The following RGSL1 variants were observed in gnomAD, a reference collection of about 807,000 sequenced individuals.
RGSL1 encodes the protein regulator of G protein signaling like 1.
A neutral mutation model predicts 124.7 loss-of-function variants in RGSL1; 97 were observed. The ratio of observed to expected loss-of-function variants is 0.78; its 90% CI spans 0.66 to 0.92. The LOEUF is 0.92. Among genes scored for constraint, RGSL1 ranks in the 40% least tolerant of loss-of-function variants. The probability of loss-of-function intolerance (pLI) is 0.00; values close to 1 mark genes in which losing one functional copy is unlikely to be tolerated. For synonymous variants in RGSL1, 424 were observed against 438.1 expected (o/e 0.97, Z 0.40); for missense variants, 1,233 against 1,288.4 (o/e 0.96, Z 0.66).
chr1:182,461,830 A>G (rs886579076), intron 4 of RGSL1, among the ~76,000 whole-genome samples: 4 of 152,186 alleles, frequency 2.6e-5, no homozygotes, highest in African/African-American at 9.7e-5. Context: ...AAAAAGTTTA[A>G]AGAAAACTGA....
intron 6 of RGSL1, 114 bp downstream of exon 6, chr1:182,474,656 C>T (rs1654143926): frequency 7.3e-7 from 1 of 1,376,738 alleles, no homozygotes; most frequent in African/African-American, 1.5e-5. Context: ...CCCACATAAA[C>T]CTTTACATAT....
rs771777733 is a variant in RGSL1, at chr1:182,474,489, C to T, written c.1378C>T (p.Pro460Ser). The change falls in exon 6 of 22, where the codon CCC becomes TCC. Residue 460 changes from proline (P) to serine (S), a missense_variant. Physicochemically the swap from Pro to Ser is moderately conservative, Grantham distance 74 (BLOSUM62 -1). Transcript: ENST00000294854. ...CATTCAGGGCCTGAAGGAACTATTG[C>T]CCTCTGGGGATGTGATCCCCTGGAT... Reference protein sequence around the residue: ...QTIQGLKELLPSGDVIPWIPK... With the variant: ...QTIQGLKELLSSGDVIPWIPK... The T allele has an allele frequency of 1.2e-5, 18 of 1,551,054 alleles. No individual in the cohort carries two copies. The South Asian group carries it at 2.1e-4, about 18-fold the overall frequency.
chr1:182,523,486 A>G (rs1197990707), intron 10 of RGSL1, among the ~76,000 whole-genome samples: 1 of 152,158 alleles, frequency 6.6e-6, no homozygotes, highest in African/African-American at 2.4e-5. Context: ...AATTTGTCCT[A>G]GTCACTGGTC....
rs555422354 is a variant in RGSL1, at chr1:182,541,133, C to T, written c.2669+712C>T. On this transcript the variant is annotated intron_variant, in intron 15 of 21. Transcript: ENST00000294854. ...TCTCTTCTAGATATTTTGAAATGTA[C>T]GATAGATGATTATTAACTGTAGACA... Among the ~76,000 whole-genome samples the T allele has an allele frequency of 4.6e-5, 7 of 152,158 alleles. 1 individual carries two copies. In the East Asian group the frequency reaches 1.4e-3, roughly 29 times the overall value.
chr1:182,524,864 A>G (rs1227361780), intron 10 of RGSL1, among the ~76,000 whole-genome samples: 3 of 152,220 alleles, frequency 2.0e-5, no homozygotes, highest in African/African-American at 7.2e-5. Context: ...TAAAAAAGGG[A>G]AATCTGGGAG....
Position 182,474,499 on chromosome 1 carries a change from A to T in RGSL1, c.1388A>T (p.Asp463Val), listed in dbSNP as rs777353849. ...CTGAAGGAACTATTGCCCTCTGGGGATGTGATCCCCTGGATTCCCAAAGCC... is the reference window on the plus strand; with the variant it reads ...CTGAAGGAACTATTGCCCTCTGGGGTTGTGATCCCCTGGATTCCCAAAGCC... The part of the protein sequence containing the change: ...QGLKELLPSG[D>V]VIPWIPKAQK... The change falls in exon 6 of 22, where the codon GAT becomes GTT. Residue 463 changes from aspartate to valine, a missense_variant. Coordinates refer to ENST00000294854, the MANE Select transcript of RGSL1 (RefSeq NM_001137669.2). The T allele has an allele frequency of 5.2e-6, 8 of 1,549,942 alleles. No individual in the cohort carries two copies. The highest frequency in any genetic ancestry group is 7.0e-6 in the Non-Finnish European group (8 of 1,145,580).
chr1:182,464,494 G>T (rs558158689), intron 4 of RGSL1, among the ~76,000 whole-genome samples: 7 of 151,966 alleles, frequency 4.6e-5, no homozygotes, highest in African/African-American at 7.2e-5. Flanking sequence ...GAGGCCTTAG[G>T]GGGTGGATCA....
intron 4 of RGSL1, among the ~76,000 whole-genome samples, chr1:182,467,733 A>AAAGC: frequency 6.6e-6 from 1 of 152,244 alleles, no homozygotes; most frequent in East Asian, 1.9e-4. Flanking sequence ...TAAAACACCA[A>AAAGC]AAGCAATGGC....
At chr1:182,479,825 T>C (rs1039590748) in intron 6 of RGSL1, among the ~76,000 whole-genome samples, 10 of 152,190 alleles carry the variant, frequency 6.6e-5, no homozygotes, top group African/African-American at 2.2e-4. Flanking sequence ...CAAAAAAGCA[T>C]ATTTGGCTAT....
chr1:182,509,818 ACC>A (rs1313716167), intron 9 of RGSL1, among the ~76,000 whole-genome samples: 1 of 56,852 alleles, frequency 1.8e-5, no homozygotes, highest in African/African-American at 7.3e-5. Context: ...CGGGGGGCTG[ACC>A]CCCCCCCACC....
chr1:182,515,587 C>A (rs1657818830), intron 9 of RGSL1, among the ~76,000 whole-genome samples: 1 of 149,004 alleles, frequency 6.7e-6, no homozygotes, highest in Admixed American at 6.7e-5. Flanking sequence ...GGGGGAAGAA[C>A]TTCTTGCTTT....
intron 6 of RGSL1, among the ~76,000 whole-genome samples, chr1:182,485,214 A>T (rs1017656378): frequency 3.9e-5 from 6 of 152,164 alleles, no homozygotes; most frequent in African/African-American, 1.2e-4. Context: ...CCCGGTCCCC[A>T]GCTGATCCAG....
At chr1:182,467,844 A>G (rs266520) in intron 4 of RGSL1, among the ~76,000 whole-genome samples, 13,055 of 152,164 alleles carry the variant, frequency 0.086, 761 homozygotes, top group East Asian at 0.26. Flanking sequence ...TACGGAATGG[A>G]AGAAAATTTT....
chr1:182,517,103 C>G (rs529995493), intron 9 of RGSL1, among the ~76,000 whole-genome samples: 35 of 152,068 alleles, frequency 2.3e-4, no homozygotes, highest in African/African-American at 6.8e-4. Flanking sequence ...GACTTTACGT[C>G]TCCTTTATAT....
intron 9 of RGSL1, among the ~76,000 whole-genome samples, chr1:182,503,641 GT>G (rs923501792): frequency 3.3e-5 from 5 of 152,028 alleles, no homozygotes; most frequent in African/African-American, 4.8e-5. Context: ...GTTAAGGATA[GT>G]TAATAGGTAT....
intron 13 of RGSL1, among the ~76,000 whole-genome samples, chr1:182,531,134 T>C (rs777616989): frequency 1.3e-5 from 2 of 152,192 alleles, no homozygotes; most frequent in Non-Finnish European, 2.9e-5. Flanking sequence ...AAAGTTAGTG[T>C]AGAGGACATG....
intron 4 of RGSL1, chr1:182,460,798 G>A (rs1210677886): frequency 2.2e-6 from 1 of 445,626 alleles, no homozygotes; most frequent in Admixed American, 2.4e-5. Flanking sequence ...AACTTGCAAT[G>A]TTTGGGGGGA....
At chr1:182,452,913 C>T (rs1023453873) in intron 1 of RGSL1, among the ~76,000 whole-genome samples, 4 of 152,172 alleles carry the variant, frequency 2.6e-5, no homozygotes, top group African/African-American at 9.7e-5. Flanking sequence ...GAGCTTAGGG[C>T]ATAGTATTCG....
intron 11 of RGSL1, among the ~76,000 whole-genome samples, chr1:182,529,268 A>G (rs1658991126): frequency 6.6e-6 from 1 of 152,230 alleles, no homozygotes; most frequent in African/African-American, 2.4e-5. Context: ...AAGGAAACAC[A>G]GAGAGGTTAA....
Sources: allele counts gnomAD v4.1 joint callset (sites outside exome capture counted in the v4.1 genomes callset), GRCh38; gene constraint gnomAD v4.1.1; transcripts MANE v1.5; gene names NCBI Gene and HGNC (gene_info 2026-07-23, HGNC 2026-07-21).